CMSS1: variants seen among roughly 807,000 people sequenced by gnomAD.
CMSS1 encodes the protein protein CMSS1.
In CMSS1, 33 loss-of-function variants were observed where a neutral mutation model predicts 43.5. The ratio of observed to expected loss-of-function variants is 0.76; its 90% CI spans 0.57 to 1.01. The LOEUF (loss-of-function observed/expected upper bound fraction) is 1.01. Ranked by LOEUF, CMSS1 falls within the 50% of genes least tolerant of loss-of-function variation. The probability of loss-of-function intolerance (pLI) is 0.00; values close to 1 mark genes in which losing one functional copy is unlikely to be tolerated. For missense variants in CMSS1, 313 were observed against 326.4 expected (o/e 0.96, Z 0.32); for synonymous variants, 115 against 117.2 (o/e 0.98, Z 0.12).
intron 1 of CMSS1, among the ~76,000 whole-genome samples, chr3:99,935,424 TA>T (rs1707632707): frequency 6.6e-6 from 1 of 152,210 alleles, no homozygotes; most frequent in Non-Finnish European, 1.5e-5. Context: ...GTGACTGTCA[TA>T]ACCCTAGAAC....
chr3:100,050,103 T>G (rs1050110172), intron 1 of CMSS1, among the ~76,000 whole-genome samples: 1 of 152,244 alleles, frequency 6.6e-6, no homozygotes, highest in East Asian at 1.9e-4. Flanking sequence ...ACCTGTGGAA[T>G]GAATCTATTA....
chr3:100,113,059 A>T (rs749704488), intron 1 of CMSS1, among the ~76,000 whole-genome samples: 4 of 152,240 alleles, frequency 2.6e-5, no homozygotes, highest in Non-Finnish European at 4.4e-5. Context: ...CACGTGGAAT[A>T]TGGTAGTGTA....
intron 1 of CMSS1, among the ~76,000 whole-genome samples, chr3:100,029,161 A>G (rs1035628687): frequency 1.3e-5 from 2 of 152,094 alleles, no homozygotes; most frequent in Non-Finnish European, 2.9e-5. Flanking sequence ...CCTCGTCTTT[A>G]AAAAATAAGT....
At chr3:100,125,024 G>A (rs982852670) in intron 1 of CMSS1, among the ~76,000 whole-genome samples, 15 of 152,100 alleles carry the variant, frequency 9.9e-5, no homozygotes, top group African/African-American at 2.9e-4. Flanking sequence ...CCTGTTCACA[G>A]TACTTGCATT....
At chr3:100,064,876 G>A (rs1559745286) in intron 1 of CMSS1, among the ~76,000 whole-genome samples, 1 of 152,048 alleles carries the variant, frequency 6.6e-6, no homozygotes, top group Non-Finnish European at 1.5e-5. Flanking sequence ...TTTGGCCAGG[G>A]GCCTGGGGGT....
intron 1 of CMSS1, chr3:99,849,973 T>C: frequency 6.2e-7 from 1 of 1,612,676 alleles, no homozygotes; most frequent in Non-Finnish European, 8.5e-7. Context: ...CAATTTGTTT[T>C]TTAAATCATC....
chr3:100,072,562 C>T (rs2107376994), intron 1 of CMSS1, among the ~76,000 whole-genome samples: 1 of 152,338 alleles, frequency 6.6e-6, no homozygotes, highest in African/African-American at 2.4e-5. Flanking sequence ...CTCTGGCATC[C>T]AGTTCCAGCA....
intron 1 of CMSS1, among the ~76,000 whole-genome samples, chr3:99,998,687 C>G (rs1709753789): frequency 6.6e-6 from 1 of 152,194 alleles, no homozygotes; most frequent in Non-Finnish European, 1.5e-5. Context: ...CTCAGCCTCC[C>G]CAGTAGCTGG....
At chr3:100,085,090 TG>T (rs148809973) in intron 1 of CMSS1, among the ~76,000 whole-genome samples, 9 of 152,346 alleles carry the variant, frequency 5.9e-5, no homozygotes, top group Non-Finnish European at 1.0e-4. Flanking sequence ...TCCCCTAAAG[TG>T]GTGGTTTCCA....
chr3:99,903,547 G>A (rs539031044), intron 1 of CMSS1, among the ~76,000 whole-genome samples: 1 of 152,258 alleles, frequency 6.6e-6, no homozygotes, highest in East Asian at 1.9e-4. Context: ...ACCGCGCCCG[G>A]CCATGTATGC....
In CMSS1 at chr3:100,167,553, A is replaced by G. The variant is rs116228599; in HGVS notation, c.416-185A>G. Among the ~76,000 whole-genome samples, 435 of 152,342 alleles carry G rather than the reference A, an allele frequency of 2.9e-3. 4 individuals carry two copies. The highest frequency in any genetic ancestry group is 6.8e-3 in the Middle Eastern group (2 of 294). On this transcript the variant is annotated intron_variant, in intron 5 of 9. Coordinates refer to ENST00000421999, the MANE Select transcript of CMSS1 (RefSeq NM_032359.4). ...TATGTTTGTTTTGTGTTACAAATTAATGATACTTTATTTTAATCTAATATT... is the reference window on the plus strand; with the variant it reads ...TATGTTTGTTTTGTGTTACAAATTAGTGATACTTTATTTTAATCTAATATT...
chr3:100,001,912 G>T (rs956969365), intron 1 of CMSS1, among the ~76,000 whole-genome samples: 1 of 152,146 alleles, frequency 6.6e-6, no homozygotes, highest in African/African-American at 2.4e-5. Context: ...GACCCAACAC[G>T]GTGTCGCCTA....
chr3:99,906,125 C>T (rs1303929351), intron 1 of CMSS1, among the ~76,000 whole-genome samples: 2 of 152,146 alleles, frequency 1.3e-5, no homozygotes, highest in Non-Finnish European at 2.9e-5. Context: ...GCCCAGGAGG[C>T]AGAGGTTGCA....
intron 1 of CMSS1, among the ~76,000 whole-genome samples, chr3:100,128,750 T>A (rs1393939944): frequency 6.6e-6 from 1 of 152,180 alleles, no homozygotes; most frequent in Non-Finnish European, 1.5e-5. Context: ...ATAAATGAAA[T>A]CATACAGGAT....
intron 1 of CMSS1, among the ~76,000 whole-genome samples, chr3:99,919,741 G>A (rs1377720778): frequency 2.0e-5 from 3 of 152,062 alleles, no homozygotes; most frequent in Non-Finnish European, 4.4e-5. Flanking sequence ...TAATAGAAAA[G>A]GATTGATGGT....
At chr3:99,886,599 C>T (rs2107609090) in intron 1 of CMSS1, among the ~76,000 whole-genome samples, 1 of 151,248 alleles carries the variant, frequency 6.6e-6, no homozygotes, top group East Asian at 1.9e-4. Context: ...GAACAAAGGC[C>T]CAAAAAAAAA....
chr3:100,076,532 T>C (rs77098240), intron 1 of CMSS1, among the ~76,000 whole-genome samples: 1 of 152,354 alleles, frequency 6.6e-6, no homozygotes, highest in African/African-American at 2.4e-5. Flanking sequence ...TTACAGTATC[T>C]ATCTGGTTGC....
At position 99,983,426 on chromosome 3, in the gene CMSS1, A is replaced by G. The variant is rs1463449187; in HGVS notation, c.65-163547A>G. On this transcript the variant is annotated intron_variant, in intron 1 of 9. Coordinates refer to ENST00000421999, the MANE Select transcript of CMSS1 (RefSeq NM_032359.4). Reference sequence around the variant, plus strand: ...TATATATATATATATATATGTATGTATGTATGTATATATATGTATGTATAT... The same window carrying G: ...TATATATATATATATATATGTATGTGTGTATGTATATATATGTATGTATAT... Among the ~76,000 whole-genome samples, 66 of 82,774 alleles carry G rather than the reference A, an allele frequency of 8.0e-4. 1 individual carries two copies. The highest frequency in any genetic ancestry group is 3.7e-3 in the African/African-American group (65 of 17,428). 54.3% of individuals were successfully genotyped at this position (82,774 alleles called of 152,430 possible).
At chr3:100,101,155 G>A (rs772308118) in intron 1 of CMSS1, among the ~76,000 whole-genome samples, 1 of 152,148 alleles carries the variant, frequency 6.6e-6, no homozygotes, top group Non-Finnish European at 1.5e-5. Flanking sequence ...AGCCTCTCCT[G>A]AGTGGTAGTA....
Sources: gnomAD v4.1 joint callset for allele counts (sites outside exome capture counted in the v4.1 genomes callset) on GRCh38, gnomAD v4.1.1 for gene constraint, MANE v1.5 for transcripts, NCBI Gene and HGNC (gene_info 2026-07-23, HGNC 2026-07-21) for gene names.